Variants in TP63 observed in about 807,000 individuals in gnomAD.
TP63 encodes tumor protein p63.
In TP63, 17 loss-of-function variants were observed where a neutral mutation model predicts 82.8. The ratio of observed to expected loss-of-function variants is 0.21; its 90% CI spans 0.14 to 0.31. The LOEUF is 0.31. Ranked by LOEUF, TP63 falls within the 10% of genes least tolerant of loss-of-function variation. TP63 has a pLI of 1.00. For missense variants in TP63, 648 were observed against 895.3 expected (o/e 0.72, Z 3.52); for synonymous variants, 330 against 321.7 (o/e 1.03, Z -0.28).
At chr3:189,719,481 A>G (rs1021754807) in intron 1 of TP63, among the ~76,000 whole-genome samples, 2 of 152,168 alleles carry the variant, frequency 1.3e-5, no homozygotes, top group Non-Finnish European at 2.9e-5. Flanking sequence ...TGACCAATCA[A>G]CACATCTAGT....
chr3:189,694,781 ATTTACAGCCTT>A (rs1717221678), intron 1 of TP63, among the ~76,000 whole-genome samples: 1 of 76,936 alleles, frequency 1.3e-5, no homozygotes, highest in Non-Finnish European at 2.7e-5. Flanking sequence ...GGAGGCCAGT[ATTTACAGCCTT>A]TTTTTTTTTT....
chr3:189,622,635 C>T, the TP63 span, among the ~76,000 whole-genome samples: 1 of 152,130 alleles, frequency 6.6e-6, no homozygotes, highest in Non-Finnish European at 1.5e-5. Context: ...TCCTAAATCC[C>T]GTCTCAACAC....
intron 1 of TP63, among the ~76,000 whole-genome samples, chr3:189,697,233 G>GAATTTTTTTTTTTTTTTT (rs1560117520): frequency 7.0e-6 from 1 of 142,252 alleles, no homozygotes; most frequent in African/African-American, 2.6e-5. Flanking sequence ...TCTAGGTTCA[G>GAATTTTTTTTTTTTTTTT]TTTTTTTTTT....
intron 9 of TP63, among the ~76,000 whole-genome samples, chr3:189,870,830 C>T (rs2108813438): frequency 6.6e-6 from 1 of 152,194 alleles, no homozygotes; most frequent in South Asian, 2.1e-4. Flanking sequence ...CCAAGCAGGG[C>T]CAGGAGATTT....
intron 4 of TP63, among the ~76,000 whole-genome samples, chr3:189,817,334 G>A (rs1321235679): frequency 1.3e-5 from 2 of 152,132 alleles, no homozygotes; most frequent in Non-Finnish European, 2.9e-5. Context: ...AATTTGAGAA[G>A]ACATCTGACA....
intron 4 of TP63, among the ~76,000 whole-genome samples, chr3:189,816,623 G>A (rs1407674485): frequency 6.6e-6 from 1 of 152,264 alleles, no homozygotes. Flanking sequence ...TTGAGATAAT[G>A]TAGCTTTCCA....
At chr3:189,838,980 C>T (rs1385478862) in intron 4 of TP63, among the ~76,000 whole-genome samples, 2 of 129,610 alleles carry the variant, frequency 1.5e-5, no homozygotes, top group African/African-American at 5.8e-5. Context: ...GTCCCTTAAA[C>T]TTCTCAGCAT....
chr3:189,641,697 A>T (rs539406812), intron 1 of TP63, among the ~76,000 whole-genome samples: 2 of 152,228 alleles, frequency 1.3e-5, no homozygotes, highest in East Asian at 3.9e-4. Context: ...TGGTTTGGTT[A>T]TAATTTTTGT....
At chr3:189,728,109 C>G (rs774169378) in intron 1 of TP63, among the ~76,000 whole-genome samples, 67 of 151,394 alleles carry the variant, frequency 4.4e-4, no homozygotes, top group African/African-American at 1.2e-3. Flanking sequence ...TGGCTAGGCT[C>G]CAGAACTAGA....
intron 10 of TP63, among the ~76,000 whole-genome samples, chr3:189,875,611 T>TATATATATATAC (rs71175313): frequency 1.3e-5 from 1 of 77,040 alleles, no homozygotes; most frequent in African/African-American, 4.7e-5. Flanking sequence ...TATATATATA[T>TATATATATATAC]ATATATATAT....
the TP63 span, among the ~76,000 whole-genome samples, chr3:189,603,005 GA>G: frequency 2.6e-5 from 4 of 152,030 alleles, no homozygotes; most frequent in Non-Finnish European, 5.9e-5. Context: ...AATTCATTTT[GA>G]AACTTTATAA....
At chr3:189,834,596 G>A (rs1012251061) in intron 4 of TP63, among the ~76,000 whole-genome samples, 4 of 152,068 alleles carry the variant, frequency 2.6e-5, no homozygotes, top group African/African-American at 7.2e-5. Flanking sequence ...CCACAATTGC[G>A]CTGTGGCTGT....
chr3:189,628,944 CT>C (rs1237095519), upstream of TP63, among the ~76,000 whole-genome samples: 6 of 152,084 alleles, frequency 3.9e-5, no homozygotes, highest in East Asian at 1.2e-3. Context: ...TTCATAATTA[CT>C]TATTTAAAAT....
At chr3:189,853,169 G>C (rs2108770474) in intron 4 of TP63, among the ~76,000 whole-genome samples, 1 of 152,246 alleles carries the variant, frequency 6.6e-6, no homozygotes, top group African/African-American at 2.4e-5. Context: ...ATTGGCAGGA[G>C]CCCCCTGACT....
intron 1 of TP63, among the ~76,000 whole-genome samples, chr3:189,703,088 G>C (rs767821642): frequency 5.3e-5 from 8 of 152,160 alleles, no homozygotes. Context: ...CTGATGAGTG[G>C]TGCAATCAGA....
At chr3:189,783,796 G>T (rs537648284) in intron 3 of TP63, among the ~76,000 whole-genome samples, 1 of 151,700 alleles carries the variant, frequency 6.6e-6, no homozygotes, top group Non-Finnish European at 1.5e-5. Context: ...TTATAAAGTT[G>T]GAAAAGATAA....
chr3:189,616,393 T>C, the TP63 span, among the ~76,000 whole-genome samples: 5 of 152,222 alleles, frequency 3.3e-5, no homozygotes, highest in Non-Finnish European at 7.3e-5. Context: ...AAGTTCTTTC[T>C]AACACCCTCT....
upstream of TP63, among the ~76,000 whole-genome samples, chr3:189,628,736 T>G (rs1729372535): frequency 6.6e-6 from 1 of 152,140 alleles, no homozygotes; most frequent in Admixed American, 6.6e-5. Flanking sequence ...ATAGTAACCT[T>G]AGTCCCCTAA....
chr3:189,680,214 C>A (rs1715791061), intron 1 of TP63, among the ~76,000 whole-genome samples: 1 of 151,904 alleles, frequency 6.6e-6, no homozygotes, highest in Non-Finnish European at 1.5e-5. Flanking sequence ...ATTAATTATT[C>A]CAATTCATGA....
Sources: gnomAD v4.1 joint callset for allele counts (sites outside exome capture counted in the v4.1 genomes callset) on GRCh38, gnomAD v4.1.1 for gene constraint, MANE v1.5 for transcripts, NCBI Gene and HGNC (gene_info 2026-07-23, HGNC 2026-07-21) for gene names.